Variants in OSBPL6 observed in about 807,000 individuals in gnomAD.
The protein encoded by OSBPL6 is oxysterol binding protein like 6.
In OSBPL6, 49 loss-of-function variants were observed where a neutral mutation model predicts 125.8. The ratio of observed to expected loss-of-function variants is 0.39; its 90% CI spans 0.31 to 0.49. The LOEUF is 0.49. Among genes scored for constraint, OSBPL6 ranks in the 20% least tolerant of loss-of-function variants. The pLI is 0.88. For missense variants in OSBPL6, 986 were observed against 1,135.4 expected (o/e 0.87, Z 1.89); for synonymous variants, 394 against 391.8 (o/e 1.01, Z -0.07).
chr2:178,384,171 G>A lies in OSBPL6; in HGVS notation c.2008G>A (p.Glu670Lys). The change falls in exon 18 of 25, where the codon GAA becomes AAA. Residue 670 changes from glutamate to lysine, a missense_variant. Coordinates refer to ENST00000190611, the MANE Select transcript of OSBPL6 (RefSeq NM_032523.4). The part of the protein sequence containing the change: ...REDKGFRFFS[E>K]QVSHHPPISA... ...AGACAAGGGATTCCGCTTTTTCTCA[G>A]AACAGGTAAGCGCCACTGGACTCAG... 2 of 1,613,706 alleles carry A rather than the reference G, an allele frequency of 1.2e-6. No individual in the cohort carries two copies. Among genetic ancestry groups the A allele is most frequent in the Non-Finnish European group, 1.7e-6 (2 of 1,179,678 alleles).
chr2:178,387,544 T>A (rs1237941332), intron 20 of OSBPL6, among the ~76,000 whole-genome samples: 1 of 152,242 alleles, frequency 6.6e-6, no homozygotes, highest in African/African-American at 2.4e-5. Context: ...TTCTAGAGGA[T>A]ACTGCCTCTA....
At chr2:178,223,457 G>T (rs1340747586) in intron 1 of OSBPL6, among the ~76,000 whole-genome samples, 1 of 152,180 alleles carries the variant, frequency 6.6e-6, no homozygotes, top group Non-Finnish European at 1.5e-5. Flanking sequence ...TTGAGATTTT[G>T]TCAAATGTAT....
chr2:178,222,898 A>G (rs1237874765), intron 1 of OSBPL6, among the ~76,000 whole-genome samples: 10 of 152,154 alleles, frequency 6.6e-5, no homozygotes, highest in Non-Finnish European at 1.0e-4. Flanking sequence ...CATTTATTAT[A>G]TTTATTTTTC....
At chr2:178,229,512 G>A (rs1379333368) in intron 1 of OSBPL6, among the ~76,000 whole-genome samples, 1 of 152,098 alleles carries the variant, frequency 6.6e-6, no homozygotes, top group Non-Finnish European at 1.5e-5. Flanking sequence ...AGCAGCATTA[G>A]CATCACCTGG....
intron 1 of OSBPL6, among the ~76,000 whole-genome samples, chr2:178,208,437 C>A (rs1240751056): frequency 6.6e-6 from 1 of 152,140 alleles, no homozygotes; most frequent in African/African-American, 2.4e-5. Context: ...CTCTTTCAAA[C>A]CAATTATTAC....
Position 178,373,892 on chromosome 2 carries a change from T to G in OSBPL6, c.1398T>G (p.Ala466=), listed in dbSNP as rs1435501792. The G allele has an allele frequency of 1.2e-6, 2 of 1,613,948 alleles. No individual in the cohort carries two copies. The highest frequency in any genetic ancestry group is 1.7e-6 in the Non-Finnish European group (2 of 1,179,970). Residue 466 remains alanine, a splice_region_variant and synonymous_variant, in exon 15 of 25, where the codon GCT becomes GCG. Coordinates refer to ENST00000190611, the MANE Select transcript of OSBPL6 (RefSeq NM_032523.4). ...CTGTATGCTTCTGTCTTCTGCAGGC[T>G]GGTGAGCAAATCCATGTCAGTCTCC... The part of the protein sequence containing the change: ...SVNIIPSPDE[A]GEQIHVSLPL...
At chr2:178,226,466 C>T (rs1291868945) in intron 1 of OSBPL6, among the ~76,000 whole-genome samples, 2 of 152,312 alleles carry the variant, frequency 1.3e-5, no homozygotes, top group East Asian at 3.9e-4. Flanking sequence ...TGAATAAGAA[C>T]CTTCACAGTG....
chr2:178,395,772 T>TAAAAAAA lies in OSBPL6; in HGVS notation c.*235_*241dup, dbSNP rs746653123. On this transcript the variant is annotated 3_prime_UTR_variant, in exon 25 of 25. Coordinates refer to ENST00000190611, the MANE Select transcript of OSBPL6 (RefSeq NM_032523.4). The stretch of plus-strand genomic sequence containing the variant: ...TCTGTTTTGCTGCAACCATATTCCT[T>TAAAAAAA]AAAAAAAAAAAAAAAAAAAAAAAAA... The TAAAAAAA allele has an allele frequency of 6.6e-4, 160 of 243,388 alleles. 1 individual carries two copies. Among genetic ancestry groups the TAAAAAAA allele is most frequent in the Non-Finnish European group, 8.8e-4 (115 of 130,292 alleles). The allele number at this position is 243,388 out of a possible 1,614,324, so 15.1% of individuals were successfully genotyped here.
intron 2 of OSBPL6, among the ~76,000 whole-genome samples, chr2:178,291,662 G>A (rs1471872916): frequency 4.7e-5 from 5 of 105,444 alleles, no homozygotes; most frequent in Admixed American, 1.0e-4. Context: ...GGAACAGGTA[G>A]TCTCTTCCTT....
intron 3 of OSBPL6, among the ~76,000 whole-genome samples, chr2:178,320,726 A>G (rs192777977): frequency 8.5e-5 from 13 of 152,360 alleles, no homozygotes; most frequent in Non-Finnish European, 1.8e-4. Context: ...ATTAAATTTG[A>G]TGTGTTCCCT....
intron 1 of OSBPL6, among the ~76,000 whole-genome samples, chr2:178,255,204 T>C (rs938844071): frequency 1.3e-4 from 20 of 152,220 alleles, no homozygotes; most frequent in African/African-American, 4.8e-4. Context: ...CTTGGGAGGC[T>C]GAGGCAGGAG....
chr2:178,256,218 C>G (rs947526148), intron 1 of OSBPL6, among the ~76,000 whole-genome samples: 3 of 152,188 alleles, frequency 2.0e-5, no homozygotes, highest in Admixed American at 6.5e-5. Context: ...AGCAAAAAGA[C>G]CCTTTCCGTG....
intron 3 of OSBPL6, among the ~76,000 whole-genome samples, chr2:178,319,903 A>T (rs1469110544): frequency 1.3e-5 from 2 of 152,244 alleles, no homozygotes; most frequent in African/African-American, 4.8e-5. Flanking sequence ...CTTAGCTAAG[A>T]TAGTTAGGTG....
intron 2 of OSBPL6, among the ~76,000 whole-genome samples, chr2:178,299,750 A>G (rs1312579832): frequency 6.6e-6 from 1 of 152,252 alleles, no homozygotes; most frequent in Non-Finnish European, 1.5e-5. Context: ...CTTACTTCAG[A>G]TACAAAATTC....
chr2:178,289,019 T>TA (rs1350164144), intron 2 of OSBPL6, among the ~76,000 whole-genome samples: 2 of 141,146 alleles, frequency 1.4e-5, no homozygotes, highest in East Asian at 4.0e-4. Context: ...TTTTCTTCTT[T>TA]TTTTTTTTTT....
At chr2:178,267,419 A>G (rs2092269667) in intron 1 of OSBPL6, among the ~76,000 whole-genome samples, 2 of 151,612 alleles carry the variant, frequency 1.3e-5, no homozygotes, top group South Asian at 4.2e-4. Context: ...GAGTCTATCT[A>G]TTATGTCTTT....
At chr2:178,371,658 A>G (rs1693396520) in intron 13 of OSBPL6, among the ~76,000 whole-genome samples, 1 of 152,234 alleles carries the variant, frequency 6.6e-6, no homozygotes, top group South Asian at 2.1e-4. Context: ...AATTCTATAA[A>G]CTAAAGCCAG....
At chr2:178,331,130 A>G (rs569415703) in intron 5 of OSBPL6, among the ~76,000 whole-genome samples, 7 of 152,342 alleles carry the variant, frequency 4.6e-5, no homozygotes, top group African/African-American at 1.4e-4. Context: ...TGTCTGTGGT[A>G]TCCAGGGAAA....
intron 1 of OSBPL6, among the ~76,000 whole-genome samples, chr2:178,257,808 T>C (rs1226510754): frequency 1.3e-5 from 2 of 151,918 alleles, no homozygotes; most frequent in Non-Finnish European, 2.9e-5. Context: ...CCTTTTTTTT[T>C]TTTTGAGACC....
Sources: allele counts gnomAD v4.1 joint callset (sites outside exome capture counted in the v4.1 genomes callset), GRCh38; gene constraint gnomAD v4.1.1; transcripts MANE v1.5; gene names NCBI Gene and HGNC (gene_info 2026-07-23, HGNC 2026-07-21).